Variants in PREP observed in about 807,000 individuals in gnomAD.
PREP encodes dJ355L5.1 (prolyl endopeptidase).
In PREP, 29 loss-of-function variants were observed where a neutral mutation model predicts 87.6. That is an observed-to-expected ratio of 0.33 (90% CI 0.25 to 0.45). The LOEUF (loss-of-function observed/expected upper bound fraction) is 0.45. PREP is among the 20% of genes least tolerant of loss of function. The pLI is 1.00. For synonymous variants in PREP, 337 were observed against 328.6 expected (o/e 1.03, Z -0.28); for missense variants, 695 against 886.5 (o/e 0.78, Z 2.74).
intron 7 of PREP, among the ~76,000 whole-genome samples, chr6:105,334,329 T>C (rs1474843070): frequency 3.3e-5 from 5 of 152,254 alleles, no homozygotes; most frequent in Non-Finnish European, 7.3e-5. Context: ...TTTACTGGCA[T>C]TGGCCTTTAT....
At position 105,339,371 on chromosome 6, in the gene PREP, C is replaced by T. The variant is rs149850917; in HGVS notation, c.824-5866G>A. Among the ~76,000 whole-genome samples the T allele has an allele frequency of 1.3e-3, 198 of 152,278 alleles. 1 individual carries two copies. The highest frequency in any genetic ancestry group is 4.5e-3 in the African/African-American group (187 of 41,560). ...CAGAAAGGACACCCACACCAAAACC[C>T]CATCTGTACGTCACCATCATCAAAG... On this transcript the variant is annotated intron_variant, in intron 7 of 14. Transcript: ENST00000652536.
chr6:105,392,859 G>A (rs1773192254), intron 2 of PREP, among the ~76,000 whole-genome samples: 1 of 152,210 alleles, frequency 6.6e-6, no homozygotes. Flanking sequence ...TTACAGGTGT[G>A]AACCACCGCA....
In PREP at chr6:105,309,411, GC is replaced by G. The variant is rs571115705; in HGVS notation, c.1317+14253del. Reference sequence around the variant, plus strand: ...AATATTGTGGGTGTAATGTGTTTATGCGATCTCGACTCACCGCAAACTCTGC... The same window carrying G: ...AATATTGTGGGTGTAATGTGTTTATGGATCTCGACTCACCGCAAACTCTGC... On this transcript the variant is annotated intron_variant, in intron 10 of 14. Transcript: ENST00000652536. Among the ~76,000 whole-genome samples, 330 of 152,022 alleles carry G rather than the reference GC, an allele frequency of 2.2e-3. 1 individual carries two copies. The highest frequency in any genetic ancestry group is 7.5e-3 in the African/African-American group (312 of 41,452).
At chr6:105,308,175 A>AT (rs1377438443) in intron 10 of PREP, among the ~76,000 whole-genome samples, 1 of 152,136 alleles carries the variant, frequency 6.6e-6, no homozygotes, top group Non-Finnish European at 1.5e-5. Context: ...GAAAGAAGCT[A>AT]TTTTTTAAAA....
chr6:105,321,710 T>C (rs1771013299), intron 10 of PREP, among the ~76,000 whole-genome samples: 1 of 152,130 alleles, frequency 6.6e-6, no homozygotes, highest in Non-Finnish European at 1.5e-5. Context: ...TCCCTGGCAG[T>C]TGTCATTATT....
At chr6:105,302,637 C>T in intron 10 of PREP, 1 of 462,644 alleles carries the variant, frequency 2.2e-6, no homozygotes, top group Non-Finnish European at 4.2e-6. Flanking sequence ...TTGTGTGAGT[C>T]TGGTTAATTA....
In PREP at chr6:105,276,256, A is replaced by G. The variant is rs1769928224; in HGVS notation, c.*1888T>C. ...CTGGAGGCCAATCATGCTAGGCATT[A>G]AAAACGTATTACTGTATTCCTCCTC... is the stretch of plus-strand genomic sequence containing the variant. On this transcript the variant is annotated 3_prime_UTR_variant, in exon 15 of 15. Transcript: ENST00000652536. 2.0e-5 allele frequency among the ~76,000 whole-genome samples: 3 copies of G among 152,240 alleles called. No individual in the cohort carries two copies. The East Asian group carries it at 5.8e-4, about 29-fold the overall frequency.
At chr6:105,339,785 T>A (rs1051353592) in intron 7 of PREP, among the ~76,000 whole-genome samples, 1 of 152,086 alleles carries the variant, frequency 6.6e-6, no homozygotes, top group Non-Finnish European at 1.5e-5. Flanking sequence ...AGAAAGGGTA[T>A]CAGTGATTGA....
rs761089352 is a variant in PREP at position 105,368,933 on chromosome 6, A to G, written c.687T>C (p.Pro229=). 1 of 1,614,104 alleles carries G rather than the reference A, an allele frequency of 6.2e-7. No individual in the cohort carries two copies. Among genetic ancestry groups the G allele is most frequent in the Non-Finnish European group, 8.5e-7 (1 of 1,179,976 alleles). The part of the protein sequence containing the change: ...QSEDILCAEF[P]DEPKWMGGAE... ...CTCCACCCATCCATTTAGGTTCATC[A>G]GGAAACTCAGCACACAAAATATCTT... The change falls in exon 6 of 15, where the codon CCT becomes CCC. Residue 229 remains proline (P), a synonymous_variant. Transcript: ENST00000652536.
rs76120980 is a variant in PREP, at chr6:105,325,819, G to A, written c.1214-2051C>T. On this transcript the variant is annotated intron_variant, in intron 9 of 14. Coordinates refer to ENST00000652536, the MANE Select transcript of PREP (RefSeq NM_002726.5). ...ATAAACCAGAGTTGGTCAGGTGATC[G>A]CTAGGAAATAAATTTCAAAGTTTAA... 4.7e-3 allele frequency among the ~76,000 whole-genome samples: 708 copies of A among 152,248 alleles called. 27 individuals carry two copies. The East Asian group carries it at 0.077, about 17-fold the overall frequency.
chr6:105,402,903 G>C lies in PREP; in HGVS notation c.-12C>G. On this transcript the variant is annotated 5_prime_UTR_variant, in exon 1 of 15. Coordinates refer to ENST00000652536, the MANE Select transcript of PREP (RefSeq NM_002726.5). ...TGAAGGGACAGCATGGCCGGGGACA[G>C]GCAGGGGGCAGCGTGGAGGGGCGCG... The C allele has an allele frequency of 6.7e-7, 1 of 1,490,030 alleles. No individual in the cohort carries two copies. Among genetic ancestry groups the C allele is most frequent in the Non-Finnish European group, 9.0e-7 (1 of 1,105,528 alleles). The allele number at this position is 1,490,030 out of a possible 1,614,324, so 92.3% of individuals were successfully genotyped here. A position where few individuals can be genotyped will look rare whatever the true frequency, so the allele number is the denominator to read the frequency against.
chr6:105,288,105 G>A (rs1770223927), intron 11 of PREP, among the ~76,000 whole-genome samples: 1 of 152,168 alleles, frequency 6.6e-6, no homozygotes. Context: ...GAATACTGAA[G>A]GTAGTGCGGT....
At chr6:105,288,189 G>A (rs985588034) in intron 11 of PREP, among the ~76,000 whole-genome samples, 13 of 152,268 alleles carry the variant, frequency 8.5e-5, no homozygotes, top group African/African-American at 2.4e-4. Flanking sequence ...CTGTAGTCAC[G>A]CAGCCATAGC....
intron 8 of PREP, among the ~76,000 whole-genome samples, chr6:105,330,333 G>A (rs1235214088): frequency 1.3e-5 from 2 of 152,172 alleles, no homozygotes; most frequent in African/African-American, 4.8e-5. Context: ...ACATCAAGCG[G>A]GAGATAAAGT....
At chr6:105,334,876 C>T (rs957947151) in intron 7 of PREP, among the ~76,000 whole-genome samples, 7 of 152,186 alleles carry the variant, frequency 4.6e-5, no homozygotes, top group Non-Finnish European at 8.8e-5. Context: ...CAGGACTACA[C>T]GTACACAACC....
intron 10 of PREP, among the ~76,000 whole-genome samples, chr6:105,297,274 T>C (rs1352954619): frequency 1.3e-5 from 2 of 152,192 alleles, no homozygotes; most frequent in Non-Finnish European, 2.9e-5. Context: ...TCTACTTCAC[T>C]AGCATCATGA....
intron 9 of PREP, among the ~76,000 whole-genome samples, chr6:105,324,936 G>A (rs1771111152): frequency 6.6e-6 from 1 of 152,208 alleles, no homozygotes; most frequent in African/African-American, 2.4e-5. Context: ...AACGCTGACA[G>A]TAAGATGTAT....
At chr6:105,366,553 C>T (rs1181920028) in intron 6 of PREP, among the ~76,000 whole-genome samples, 1 of 152,196 alleles carries the variant, frequency 6.6e-6, no homozygotes, top group African/African-American at 2.4e-5. Flanking sequence ...TTTAAATTTG[C>T]TTTTCTTTTT....
chr6:105,289,679 A>G (rs186840401), intron 10 of PREP, among the ~76,000 whole-genome samples: 4 of 152,342 alleles, frequency 2.6e-5, no homozygotes, highest in Non-Finnish European at 4.4e-5. Context: ...CCATAGAATA[A>G]ATAAGCCACA....
Sources: allele counts gnomAD v4.1 joint callset (sites outside exome capture counted in the v4.1 genomes callset), GRCh38; gene constraint gnomAD v4.1.1; transcripts MANE v1.5; gene names NCBI Gene and HGNC (gene_info 2026-07-23, HGNC 2026-07-21).